THSD4: variants seen among roughly 807,000 people sequenced by gnomAD.
THSD4 encodes thrombospondin type 1 domain containing 4.
In THSD4, 69 loss-of-function variants were observed where a neutral mutation model predicts 119.0. The ratio of observed to expected loss-of-function variants is 0.58; its 90% CI spans 0.48 to 0.71. The LOEUF (loss-of-function observed/expected upper bound fraction) is 0.71. Ranked by LOEUF, THSD4 falls within the 30% of genes least tolerant of loss-of-function variation. THSD4 has a pLI of 0.00. For synonymous variants in THSD4, 524 were observed against 540.4 expected (o/e 0.97, Z 0.42); for missense variants, 1,393 against 1,391.1 (o/e 1.00, Z -0.02).
At chr15:71,166,849 A>G (rs1164377929) in intron 3 of THSD4, among the ~76,000 whole-genome samples, 1 of 152,224 alleles carries the variant, frequency 6.6e-6, no homozygotes, top group African/African-American at 2.4e-5. Context: ...AGCAAAGTGT[A>G]TCACATCTTG....
rs144759448 is a variant in THSD4, at chr15:71,367,525, C to G, written c.1016-44162C>G. On this transcript the variant is annotated intron_variant, in intron 6 of 17. Transcript: ENST00000261862. ...TTCAATTCCCACCTATGAGTGAGAA[C>G]ATGCAGTGTTTGGTTTTCTGTCCTT... 3.4e-3 allele frequency among the ~76,000 whole-genome samples: 521 copies of G among 152,322 alleles called. 8 individuals carry two copies. Among genetic ancestry groups the G allele is most frequent in the South Asian group, 0.026 (127 of 4,824 alleles).
chr15:71,353,082 C>G (rs2045764507), intron 6 of THSD4, among the ~76,000 whole-genome samples: 1 of 152,216 alleles, frequency 6.6e-6, no homozygotes, highest in Non-Finnish European at 1.5e-5. Context: ...GTACCAGACA[C>G]TTTTCTGAGC....
At chr15:71,349,603 A>T (rs953030616) in intron 6 of THSD4, among the ~76,000 whole-genome samples, 7 of 152,234 alleles carry the variant, frequency 4.6e-5, no homozygotes, top group Non-Finnish European at 1.0e-4. Flanking sequence ...TCTGGGAGGT[A>T]GCATTCCCAT....
chr15:71,328,686 T>A (rs555172029), intron 6 of THSD4, among the ~76,000 whole-genome samples: 1 of 152,326 alleles, frequency 6.6e-6, no homozygotes, highest in South Asian at 2.1e-4. Flanking sequence ...ATGGGCTTAT[T>A]AAATGTGCTG....
At chr15:71,427,431 A>G (rs2046886784) in intron 7 of THSD4, among the ~76,000 whole-genome samples, 1 of 151,818 alleles carries the variant, frequency 6.6e-6, no homozygotes. Context: ...CTGTTGATGA[A>G]CGCTGTGAAG....
chr15:71,755,339 G>A (rs901381836), intron 14 of THSD4, among the ~76,000 whole-genome samples: 4 of 152,210 alleles, frequency 2.6e-5, no homozygotes, highest in African/African-American at 9.6e-5. Context: ...AAGACTAGAT[G>A]TCAGCATACA....
At chr15:71,772,760 A>C in intron 17 of THSD4, among the ~76,000 whole-genome samples, 1 of 152,222 alleles carries the variant, frequency 6.6e-6, no homozygotes, top group East Asian at 1.9e-4. Flanking sequence ...AAGGAAAGTT[A>C]AGTTTGATAA....
At chr15:71,143,700 C>CTTTTTTTTTTTTTTTTTT (rs546375502) in intron 2 of THSD4, among the ~76,000 whole-genome samples, 1 of 100,742 alleles carries the variant, frequency 9.9e-6, no homozygotes, top group African/African-American at 3.5e-5. Context: ...TTTTTTCTTT[C>CTTTTTTTTTTTTTTTTTT]TTTTTTTTTT....
At chr15:71,206,006 T>C (rs1477277654) in intron 3 of THSD4, among the ~76,000 whole-genome samples, 1 of 152,034 alleles carries the variant, frequency 6.6e-6, no homozygotes, top group Non-Finnish European at 1.5e-5. Context: ...TAATTCTCTT[T>C]CTACAAAATA....
chr15:71,227,988 T>A (rs1304604807), intron 4 of THSD4, among the ~76,000 whole-genome samples: 1 of 152,164 alleles, frequency 6.6e-6, no homozygotes. Flanking sequence ...TGTTTGTCGA[T>A]GGTTTCCTCT....
Position 71,738,001 on chromosome 15 carries a change from G to C in THSD4, c.1900G>C (p.Gly634Arg). 1 of 1,613,348 alleles carries C rather than the reference G, an allele frequency of 6.2e-7. No homozygotes were observed. Among genetic ancestry groups the C allele is most frequent in the Non-Finnish European group, 8.5e-7 (1 of 1,179,526 alleles). Residue 634 changes from glycine (G) to arginine (R), a missense_variant, in exon 11 of 18, where the codon GGG (glycine) becomes CGG (arginine). Physicochemically the swap from Gly to Arg is moderately radical, Grantham distance 125. Transcript: ENST00000261862. ...GACAACAGAATGTTCCACGACCTGT[G>C]GGAAAGGTGAGCCTGTGTGGGGGAC... ...LGTTECSTTC[G>R]KGSQYPIFRC... is the part of the protein sequence containing the mutation.
chr15:71,616,221 C>G (rs2050316612), intron 7 of THSD4, among the ~76,000 whole-genome samples: 1 of 152,114 alleles, frequency 6.6e-6, no homozygotes, highest in African/African-American at 2.4e-5. Flanking sequence ...TGAAATTCAC[C>G]TAAAAATGGT....
chr15:71,152,588 G>C (rs1452827459), intron 2 of THSD4, among the ~76,000 whole-genome samples: 3 of 152,110 alleles, frequency 2.0e-5, no homozygotes, highest in Non-Finnish European at 2.9e-5. Flanking sequence ...CACACTCCTA[G>C]TTCCCTGCCC....
intron 1 of THSD4, among the ~76,000 whole-genome samples, chr15:71,138,404 T>C (rs1319665301): frequency 6.6e-6 from 1 of 152,182 alleles, no homozygotes; most frequent in East Asian, 1.9e-4. Flanking sequence ...AGATGAGATT[T>C]GGGTGGAGAC....
intron 3 of THSD4, among the ~76,000 whole-genome samples, chr15:71,204,118 A>G (rs997061504): frequency 6.6e-6 from 1 of 152,222 alleles, no homozygotes; most frequent in Non-Finnish European, 1.5e-5. Context: ...GCACAGAGAC[A>G]TCTGCTTCTG....
At chr15:71,303,927 C>CA (rs1307316017) in intron 6 of THSD4, among the ~76,000 whole-genome samples, 1 of 152,172 alleles carries the variant, frequency 6.6e-6, no homozygotes, top group Non-Finnish European at 1.5e-5. Context: ...TTGCCTAGCC[C>CA]AAAGCAGGCC....
At chr15:71,143,072 A>G (rs1244077947) in intron 2 of THSD4, among the ~76,000 whole-genome samples, 5 of 152,192 alleles carry the variant, frequency 3.3e-5, no homozygotes. Context: ...GCAGGCCTGC[A>G]ATCCAAATAC....
intron 3 of THSD4, among the ~76,000 whole-genome samples, chr15:71,181,194 C>G (rs553278743): frequency 1.2e-3 from 181 of 152,270 alleles, no homozygotes; most frequent in Non-Finnish European, 2.0e-3. Context: ...CCTTCCGTTT[C>G]TAATGGCATA....
At chr15:71,173,919 G>A (rs528488579) in intron 3 of THSD4, among the ~76,000 whole-genome samples, 76 of 152,164 alleles carry the variant, frequency 5.0e-4, no homozygotes, top group African/African-American at 1.7e-3. Flanking sequence ...AAAAGATGTC[G>A]TGTATAAAAA....
Sources: gnomAD v4.1 joint callset for allele counts (sites outside exome capture counted in the v4.1 genomes callset) on GRCh38, gnomAD v4.1.1 for gene constraint, MANE v1.5 for transcripts, NCBI Gene and HGNC (gene_info 2026-07-23, HGNC 2026-07-21) for gene names.